The following LIMS1 variants were observed in gnomAD, a reference collection of about 807,000 sequenced individuals.
LIMS1 encodes the protein LIM zinc finger domain containing 1.
A neutral mutation model predicts 44.1 loss-of-function variants in LIMS1; 18 were observed. That is an observed-to-expected ratio of 0.41 (90% CI 0.28 to 0.61). The LOEUF (loss-of-function observed/expected upper bound fraction) is 0.61. Ranked by LOEUF, LIMS1 falls within the 20% of genes least tolerant of loss-of-function variation. The pLI, the probability that LIMS1 is intolerant of heterozygous loss-of-function variation, is 0.32. For missense variants in LIMS1, 201 were observed against 422.0 expected, an observed-to-expected ratio of 0.48 and a Z score of 4.59; for synonymous variants, 93 against 149.1, an observed-to-expected ratio of 0.62 and a Z score of 2.74.
At chr2:108,649,510 G>A (rs1690311229) in intron 1 of LIMS1, among the ~76,000 whole-genome samples, 1 of 152,080 alleles carries the variant, frequency 6.6e-6, no homozygotes, top group Non-Finnish European at 1.5e-5. Context: ...ATTCTATAAA[G>A]ACACATGCAC....
intron 1 of LIMS1, among the ~76,000 whole-genome samples, chr2:108,617,765 A>C (rs1394939398): frequency 6.6e-6 from 1 of 152,184 alleles, no homozygotes; most frequent in Non-Finnish European, 1.5e-5. Flanking sequence ...AGTCTTACCA[A>C]GCCATATGTG....
intron 2 of LIMS1, among the ~76,000 whole-genome samples, chr2:108,661,642 C>T (rs1297598587): frequency 3.9e-5 from 6 of 152,072 alleles, no homozygotes; most frequent in Admixed American, 6.6e-5. Flanking sequence ...AATAGGAAAT[C>T]CCTAGGTGCT....
At chr2:108,559,055 G>C (rs1394344298) in intron 1 of LIMS1, among the ~76,000 whole-genome samples, 1 of 152,182 alleles carries the variant, frequency 6.6e-6, no homozygotes, top group African/African-American at 2.4e-5. Flanking sequence ...CGTTAGGGCA[G>C]GCTGAGCAAG....
chr2:108,615,128 ATATC>A (rs1164959272), intron 1 of LIMS1, among the ~76,000 whole-genome samples: 2 of 152,204 alleles, frequency 1.3e-5, no homozygotes, highest in African/African-American at 2.4e-5. Flanking sequence ...GATAGAAACA[ATATC>A]TAAAAAGTGA....
At chr2:108,670,737 G>A (rs761917065) in intron 2 of LIMS1, 44 bp from the exon 3 acceptor site, 5 of 1,611,566 alleles carry the variant, frequency 3.1e-6, no homozygotes, top group Non-Finnish European at 3.4e-6. Context: ...TATTTCTCCT[G>A]TGATTGTTTC....
Position 108,676,281 on chromosome 2 carries a change from T to C in LIMS1, c.681+253T>C, listed in dbSNP as rs113691150. On this transcript the variant is annotated intron_variant, in intron 6 of 9. Transcript: ENST00000544547. The stretch of plus-strand genomic sequence containing the variant: ...TGTCTCAGTAATGATACAGGATGTG[T>C]ACTTTTGCTCCTAAAGCCTTCTTGA... Among the ~76,000 whole-genome samples the C allele has an allele frequency of 3.0e-3, 464 of 152,372 alleles. 1 individual carries two copies. Among genetic ancestry groups the C allele is most frequent in the Non-Finnish European group, 4.6e-3 (311 of 68,032 alleles).
At chr2:108,610,510 T>C (rs1329456672) in intron 1 of LIMS1, among the ~76,000 whole-genome samples, 2 of 152,192 alleles carry the variant, frequency 1.3e-5, no homozygotes, top group African/African-American at 4.8e-5. Flanking sequence ...CCAAAATACC[T>C]CAGGGCTGGT....
chr2:108,567,958 T>C (rs1685351551), intron 1 of LIMS1, among the ~76,000 whole-genome samples: 1 of 152,258 alleles, frequency 6.6e-6, no homozygotes, highest in South Asian at 2.1e-4. Context: ...GATTCATTGA[T>C]TTAACCACCA....
intron 1 of LIMS1, among the ~76,000 whole-genome samples, chr2:108,573,884 G>A (rs141841523): frequency 4.4e-4 from 67 of 152,322 alleles, no homozygotes; most frequent in African/African-American, 1.5e-3. Context: ...AAGACTTGGA[G>A]CAGCAGAGGT....
chr2:108,628,554 G>A (rs974151860), intron 1 of LIMS1, among the ~76,000 whole-genome samples: 2 of 152,272 alleles, frequency 1.3e-5, no homozygotes, highest in South Asian at 4.1e-4. Flanking sequence ...GTGAGCCTTC[G>A]CCTCCCAGGC....
At chr2:108,584,183 A>G (rs1398899771) in intron 1 of LIMS1, among the ~76,000 whole-genome samples, 1 of 152,180 alleles carries the variant, frequency 6.6e-6, no homozygotes, top group East Asian at 1.9e-4. Flanking sequence ...TCTCTCCACA[A>G]TCACAGTGAG....
At chr2:108,642,365 G>GTTT (rs1218993215) in intron 1 of LIMS1, among the ~76,000 whole-genome samples, 1 of 15,790 alleles carries the variant, frequency 6.3e-5, no homozygotes, top group African/African-American at 1.5e-4. Context: ...TTTGTTTTTT[G>GTTT]TTTTTTTTTT....
chr2:108,560,160 C>T (rs1329358171), intron 1 of LIMS1, among the ~76,000 whole-genome samples: 2 of 152,036 alleles, frequency 1.3e-5, no homozygotes, highest in East Asian at 3.9e-4. Flanking sequence ...AGGTTGCTGT[C>T]ACCTCTCAAC....
chr2:108,564,535 G>C (rs1205419946), intron 1 of LIMS1, among the ~76,000 whole-genome samples: 6 of 152,130 alleles, frequency 3.9e-5, no homozygotes, highest in Non-Finnish European at 5.9e-5. Context: ...AAAATCCACA[G>C]AGACCCAATC....
At chr2:108,549,154 A>C (rs1037956061) in intron 1 of LIMS1, among the ~76,000 whole-genome samples, 10 of 151,880 alleles carry the variant, frequency 6.6e-5, no homozygotes, top group Non-Finnish European at 1.3e-4. Flanking sequence ...TATTTGGTAT[A>C]TATGGCTTTT....
At chr2:108,613,804 G>A (rs1687786986) in intron 1 of LIMS1, among the ~76,000 whole-genome samples, 1 of 152,034 alleles carries the variant, frequency 6.6e-6, no homozygotes, top group Non-Finnish European at 1.5e-5. Flanking sequence ...TCAGCCACAG[G>A]GTCAGGCCCT....
At chr2:108,608,806 C>A (rs1391010771) in intron 1 of LIMS1, among the ~76,000 whole-genome samples, 1 of 152,098 alleles carries the variant, frequency 6.6e-6, no homozygotes, top group Non-Finnish European at 1.5e-5. Context: ...CAGTTGGGAG[C>A]CCAGTTTCTA....
chr2:108,575,919 C>T (rs1685655575), intron 1 of LIMS1, among the ~76,000 whole-genome samples: 1 of 152,022 alleles, frequency 6.6e-6, no homozygotes. Context: ...AAAAAAGCAG[C>T]AAGATAATAT....
chr2:108,616,314 T>C (rs1390575319), intron 1 of LIMS1, among the ~76,000 whole-genome samples: 2 of 148,986 alleles, frequency 1.3e-5, no homozygotes, highest in African/African-American at 4.9e-5. Context: ...CAAGTGATCA[T>C]GATCCCCCCA....
Sources: gnomAD v4.1 joint callset for allele counts (sites outside exome capture counted in the v4.1 genomes callset) on GRCh38, gnomAD v4.1.1 for gene constraint, MANE v1.5 for transcripts, NCBI Gene and HGNC (gene_info 2026-07-23, HGNC 2026-07-21) for gene names.